ATP6V1C1: variants seen among roughly 807,000 people sequenced by gnomAD.
The protein encoded by ATP6V1C1 is V-type proton ATPase subunit C 1.
In ATP6V1C1, 45 loss-of-function variants were observed where a neutral mutation model predicts 53.9. The observed-to-expected ratio is 0.83, with a 90% CI of 0.66 to 1.07. The LOEUF is 1.07. ATP6V1C1 is among the 50% of genes least tolerant of loss of function. The pLI is 0.00. For missense variants in ATP6V1C1, 315 were observed against 440.3 expected (o/e 0.72, Z 2.55); for synonymous variants, 153 against 155.2 (o/e 0.99, Z 0.11).
At chr8:103,024,066 G>GTGA (rs1816653805) in intron 1 of ATP6V1C1, among the ~76,000 whole-genome samples, 1 of 152,106 alleles carries the variant, frequency 6.6e-6, no homozygotes, top group South Asian at 2.1e-4. Flanking sequence ...GAACAATAAG[G>GTGA]TGAACTGAAA....
At chr8:103,029,979 C>G (rs1407870737) in intron 1 of ATP6V1C1, among the ~76,000 whole-genome samples, 1 of 152,182 alleles carries the variant, frequency 6.6e-6, no homozygotes, top group Admixed American at 6.5e-5. Flanking sequence ...AGTGATCCAC[C>G]TGTCTTGGCC....
At chr8:103,058,304 C>T (rs572828258) in intron 8 of ATP6V1C1, among the ~76,000 whole-genome samples, 42 of 152,348 alleles carry the variant, frequency 2.8e-4, no homozygotes, top group Non-Finnish European at 4.3e-4. Context: ...AACATCTTTT[C>T]TACCTATTTC....
chr8:103,046,898 C>G (rs181928768), intron 3 of ATP6V1C1, among the ~76,000 whole-genome samples: 2 of 152,218 alleles, frequency 1.3e-5, no homozygotes, highest in Admixed American at 6.5e-5. Context: ...TCTTGAAGTT[C>G]TGGGTTATGC....
chr8:103,042,487 C>T, intron 3 of ATP6V1C1, 80 bp downstream of exon 3: 3 of 1,348,726 alleles, frequency 2.2e-6, no homozygotes, highest in Non-Finnish European at 3.1e-6. Flanking sequence ...TTTATTATCA[C>T]ATGTATACTC....
intron 8 of ATP6V1C1, among the ~76,000 whole-genome samples, chr8:103,057,178 G>T (rs1817302556): frequency 1.3e-5 from 2 of 152,172 alleles, no homozygotes; most frequent in African/African-American, 2.4e-5. Context: ...CCTGGATACA[G>T]AATCTTCTTG....
chr8:103,052,900 TTTAG>T (rs1563607099), intron 6 of ATP6V1C1, 78 bp downstream of exon 6: 1 of 859,368 alleles, frequency 1.2e-6, no homozygotes, highest in Non-Finnish European at 1.7e-6. Flanking sequence ...ATTGTTGGGA[TTTAG>T]TTAGTTTCAG....
At chr8:103,040,752 A>G (rs1816985235) in intron 1 of ATP6V1C1, 46 bp from the exon 2 acceptor site, 1 of 1,497,640 alleles carries the variant, frequency 6.7e-7, no homozygotes, top group African/African-American at 1.4e-5. Flanking sequence ...CACTTTAGAA[A>G]CAAATGATTT....
Position 103,054,634 on chromosome 8 carries a change from C to T in ATP6V1C1, c.572+652C>T, listed in dbSNP as rs193272865. Among the ~76,000 whole-genome samples the T allele has an allele frequency of 3.2e-3, 487 of 152,202 alleles. 2 individuals are homozygous for T. Among genetic ancestry groups the T allele is most frequent in the African/African-American group, 0.011 (466 of 41,568 alleles). ...CTTTGAAATCTCCTTAGGATTAGGC[C>T]TTCTATGTTATTTAATATTTGATCA... On this transcript the variant is annotated intron_variant, in intron 7 of 12. Transcript: ENST00000518738.
At chr8:103,044,192 G>A (rs1490369459) in intron 3 of ATP6V1C1, among the ~76,000 whole-genome samples, 11 of 152,048 alleles carry the variant, frequency 7.2e-5, no homozygotes, top group Non-Finnish European at 1.5e-4. Context: ...CCATGTCTTC[G>A]TTTTCTTGAT....
At chr8:103,048,098 C>T (rs1287619550) in intron 3 of ATP6V1C1, among the ~76,000 whole-genome samples, 1 of 152,208 alleles carries the variant, frequency 6.6e-6, no homozygotes, top group Non-Finnish European at 1.5e-5. Flanking sequence ...GTCAGGACAA[C>T]ATGTTTCTAG....
chr8:103,057,367 C>G (rs1178141798), intron 8 of ATP6V1C1, among the ~76,000 whole-genome samples: 2 of 152,204 alleles, frequency 1.3e-5, no homozygotes, highest in African/African-American at 4.8e-5. Flanking sequence ...GGCAACTAAT[C>G]AGAGGCTAGG....
At position 103,071,491 on chromosome 8, in the gene ATP6V1C1, A is replaced by G. The variant is rs1817586149; in HGVS notation, c.*2744A>G. 6.6e-6 allele frequency: 1 copy of G among 152,180 alleles called. No homozygotes were observed. 9.4% of individuals were successfully genotyped at this position (152,180 alleles called of 1,614,324 possible). A position where few individuals can be genotyped will look rare whatever the true frequency, so the allele number is the denominator to read the frequency against. On this transcript the variant is annotated 3_prime_UTR_variant, in exon 13 of 13. Transcript: ENST00000518738. ...TTGTCACACTTCCCGCCCCACACTCAACTGTTGTGTGAATGAGCCAGACAC... is the reference window on the plus strand; with the variant it reads ...TTGTCACACTTCCCGCCCCACACTCGACTGTTGTGTGAATGAGCCAGACAC...
chr8:103,048,895 A>G lies in ATP6V1C1; in HGVS notation c.226A>G (p.Met76Val). 1 of 1,613,378 alleles carries G rather than the reference A, an allele frequency of 6.2e-7. No homozygotes were observed. Among genetic ancestry groups the G allele is most frequent in the Non-Finnish European group, 8.5e-7 (1 of 1,179,652 alleles). ...EGVVKKVAQY[M>V]ADVLEDSKDK... The stretch of plus-strand genomic sequence containing the variant: ...AGTGGTTAAGAAAGTAGCTCAATAC[A>G]TGGCTGATGTATTGGAAGATAGCAA... The change falls in exon 4 of 13, where the codon ATG (methionine) becomes GTG (valine). Residue 76 changes from methionine to valine, a missense_variant. Physicochemically the swap from Met to Val is conservative, Grantham distance 21 (BLOSUM62 1). Transcript: ENST00000518738.
chr8:103,055,850 A>AT lies in ATP6V1C1; in HGVS notation c.573-16dup. On this transcript the variant is annotated splice_polypyrimidine_tract_variant and intron_variant, in intron 7 of 12. Coordinates refer to ENST00000518738, the MANE Select transcript of ATP6V1C1 (RefSeq NM_001695.5). ...GACTTGTTTTTCTTTTCCAATGTGTATTGTACCTTTTCTGCAGGTTAAACC... is the reference window on the plus strand; with the variant it reads ...GACTTGTTTTTCTTTTCCAATGTGTATTTGTACCTTTTCTGCAGGTTAAACC... The AT allele has an allele frequency of 6.2e-7, 1 of 1,607,810 alleles. No homozygotes were observed. Among genetic ancestry groups the AT allele is most frequent in the Non-Finnish European group, 8.5e-7 (1 of 1,175,936 alleles).
At position 103,064,457 on chromosome 8, in the gene ATP6V1C1, A is replaced by G. The variant is rs144355679; in HGVS notation, c.829-257A>G. 1.9e-5 allele frequency: 5 copies of G among 258,932 alleles called. No individual in the cohort carries two copies. The East Asian group carries it at 2.9e-4, about 15-fold the overall frequency. The allele number at this position is 258,932 out of a possible 1,614,324, so 16.0% of individuals were successfully genotyped here. ...ATTTTAACTACTTTTATTAAAATAT[A>G]TACCTTTTTCTGTGTTAGTGAATTG... On this transcript the variant is annotated intron_variant, in intron 10 of 12. Transcript: ENST00000518738.
intron 1 of ATP6V1C1, among the ~76,000 whole-genome samples, chr8:103,026,898 C>T (rs907667731): frequency 2.0e-5 from 3 of 152,216 alleles, no homozygotes; most frequent in Non-Finnish European, 4.4e-5. Context: ...AAGGTAAAAT[C>T]CCCCTTCTAG....
At position 103,069,339 on chromosome 8, in the gene ATP6V1C1, A is replaced by G. The variant is rs1817547036; in HGVS notation, c.*592A>G. On this transcript the variant is annotated 3_prime_UTR_variant, in exon 13 of 13. Transcript: ENST00000518738. ...TTCTGTTTGAGAGTTAAATGATGTC[A>G]TAGCTCACTTGCTATGCTGCTTCCA... 6.6e-6 allele frequency: 1 copy of G among 152,254 alleles called. No homozygotes were observed. The highest frequency in any genetic ancestry group is 1.5e-5 in the Non-Finnish European group (1 of 68,054). The allele number at this position is 152,254 out of a possible 1,614,324, so 9.4% of individuals were successfully genotyped here.
At chr8:103,034,486 G>A (rs553009445) in intron 1 of ATP6V1C1, among the ~76,000 whole-genome samples, 11 of 152,116 alleles carry the variant, frequency 7.2e-5, no homozygotes, top group African/African-American at 2.6e-4. Context: ...TCCATTTTCC[G>A]ATGAATAAAG....
At chr8:103,047,874 C>T (rs1337796799) in intron 3 of ATP6V1C1, among the ~76,000 whole-genome samples, 3 of 152,238 alleles carry the variant, frequency 2.0e-5, no homozygotes, top group Non-Finnish European at 4.4e-5. Flanking sequence ...GCTAGTGATC[C>T]CTTTTTCCTT....
Sources: allele counts gnomAD v4.1 joint callset (sites outside exome capture counted in the v4.1 genomes callset), GRCh38; gene constraint gnomAD v4.1.1; transcripts MANE v1.5; gene names NCBI Gene and HGNC (gene_info 2026-07-23, HGNC 2026-07-21).